RILPL2: variants seen among roughly 807,000 people sequenced by gnomAD.
RILPL2 encodes the protein Rab interacting lysosomal protein like 2.
Under a neutral mutation model 22.2 loss-of-function variants are expected in RILPL2, and 19 were observed. The ratio of observed to expected loss-of-function variants is 0.86; its 90% CI spans 0.60 to 1.25. The LOEUF (loss-of-function observed/expected upper bound fraction) is 1.25, where lower values mean the gene tolerates loss of function less well. Ranked by LOEUF, RILPL2 falls within the 50% of genes most tolerant of loss-of-function variation. The pLI, the probability that RILPL2 is intolerant of heterozygous loss-of-function variation, is 0.00. For synonymous variants in RILPL2, 123 were observed against 111.6 expected (o/e 1.10, Z -0.64); for missense variants, 243 against 263.6 (o/e 0.92, Z 0.54).
intron 1 of RILPL2, among the ~76,000 whole-genome samples, chr12:123,432,241 C>T (rs1879673488): frequency 6.6e-6 from 1 of 152,182 alleles, no homozygotes; most frequent in Admixed American, 6.6e-5. Context: ...AATAGTGGCT[C>T]ACGCCTGTAA....
chr12:123,423,782 T>C (rs367790254), intron 2 of RILPL2, among the ~76,000 whole-genome samples: 2 of 151,664 alleles, frequency 1.3e-5, no homozygotes, highest in Non-Finnish European at 2.9e-5. Context: ...GCCCCCCGAG[T>C]AGCTGGGACT....
chr12:123,436,369 C>G lies in RILPL2; in HGVS notation c.52G>C (p.Glu18Gln). ...TCGGGCCCAACCTCGTCCCTCTCCT[C>G]GTCCTCCTCTCCCTCCTCCTCTTCC... ...EEEEEEGEED[E>Q]ERDEVGPEGA... Residue 18 changes from glutamate to glutamine, a missense_variant, in exon 1 of 4, where the codon GAG becomes CAG. Glu to Gln is a conservative substitution (Grantham distance 29). Coordinates refer to ENST00000280571, the MANE Select transcript of RILPL2 (RefSeq NM_145058.3). This position sits in a 1 kb window ranked among gnomAD's most constrained non-coding sequence, Gnocchi z 6.7. 1 of 1,554,120 alleles carries G rather than the reference C, an allele frequency of 6.4e-7. No homozygotes were observed. Among genetic ancestry groups the G allele is most frequent in the East Asian group, 2.4e-5 (1 of 41,112 alleles).
chr12:123,415,799 G>A lies in RILPL2; in HGVS notation c.*92C>T. 1 of 1,188,818 alleles carries A rather than the reference G, an allele frequency of 8.4e-7. No individual in the cohort carries two copies. Among genetic ancestry groups the A allele is most frequent in the Non-Finnish European group, 1.3e-6 (1 of 791,638 alleles). The allele number at this position is 1,188,818 out of a possible 1,614,324, so 73.6% of individuals were successfully genotyped here. On this transcript the variant is annotated 3_prime_UTR_variant, in exon 4 of 4. Transcript: ENST00000280571. ...GGGGAAATAAATACACAGGCCTAGT[G>A]TGTCTGTGTGGCACAGGGAGGTGGT...
intron 2 of RILPL2, among the ~76,000 whole-genome samples, chr12:123,426,401 C>T (rs773457499): frequency 6.6e-6 from 1 of 151,892 alleles, no homozygotes; most frequent in Non-Finnish European, 1.5e-5. Context: ...GATCCACCCA[C>T]GTTGTCCTCC....
chr12:123,430,724 TA>T, intron 1 of RILPL2, 65 bp from the exon 2 acceptor site: 1 of 1,128,286 alleles, frequency 8.9e-7, no homozygotes, highest in Non-Finnish European at 1.1e-6. Context: ...ATTATTATTA[TA>T]TTTTTAGAAG....
intron 3 of RILPL2, 115 bp from the exon 4 acceptor site, chr12:123,416,036 A>G: frequency 9.6e-7 from 1 of 1,040,354 alleles, no homozygotes; most frequent in Non-Finnish European, 1.5e-6. Context: ...AAATATGTCC[A>G]GGCCAGGCAT....
chr12:123,418,958 C>A lies in RILPL2; in HGVS notation c.606-3037G>T, dbSNP rs561342331. 9.9e-5 allele frequency among the ~76,000 whole-genome samples: 15 copies of A among 150,886 alleles called. No individual in the cohort carries two copies. In the South Asian group the frequency reaches 2.9e-3, roughly 29 times the overall value. ...GGTCTCAATCTTCTGACCTTGTGAT[C>A]TGCCCGCCTCAGCCTCCAAAAGTGC... On this transcript the variant is annotated intron_variant, in intron 3 of 3. Transcript: ENST00000280571.
At chr12:123,424,523 G>T (rs1010467250) in intron 2 of RILPL2, among the ~76,000 whole-genome samples, 1 of 151,990 alleles carries the variant, frequency 6.6e-6, no homozygotes, top group East Asian at 1.9e-4. Flanking sequence ...CAGAGACAGG[G>T]TTTCTCCATG....
chr12:123,415,030 C>A (rs925457511), downstream of RILPL2: 2 of 151,864 alleles, frequency 1.3e-5, no homozygotes, highest in African/African-American at 2.4e-5. Context: ...ACAGAGCAGG[C>A]GAAACACATT....
intron 2 of RILPL2, among the ~76,000 whole-genome samples, chr12:123,427,361 C>T (rs1486205715): frequency 1.3e-5 from 2 of 152,088 alleles, no homozygotes; most frequent in African/African-American, 2.4e-5. Context: ...GGCCTAACAG[C>T]GTCACTTCCA....
intron 1 of RILPL2, among the ~76,000 whole-genome samples, chr12:123,435,406 T>A (rs1879767115): frequency 6.6e-6 from 1 of 152,154 alleles, no homozygotes; most frequent in African/African-American, 2.4e-5. Context: ...CTTGTCTATG[T>A]CTTTTTGTGG....
chr12:123,420,022 CTTTTTTT>C (rs35616705), intron 3 of RILPL2, among the ~76,000 whole-genome samples: 1 of 57,494 alleles, frequency 1.7e-5, no homozygotes, highest in East Asian at 5.4e-4. Context: ...GACGGGGTTT[CTTTTTTT>C]TTTTTTTTTT....
At chr12:123,428,642 G>C (rs905371206) in intron 2 of RILPL2, among the ~76,000 whole-genome samples, 1 of 152,104 alleles carries the variant, frequency 6.6e-6, no homozygotes, top group Admixed American at 6.6e-5. Flanking sequence ...CCAAGCTTTC[G>C]TGATCTAAAT....
chr12:123,425,547 G>A (rs948832427), intron 2 of RILPL2, among the ~76,000 whole-genome samples: 11 of 151,978 alleles, frequency 7.2e-5, no homozygotes, highest in Admixed American at 6.6e-4. Context: ...ACAGCACCTT[G>A]AGCTGACAAA....
In RILPL2 at chr12:123,423,039, C is replaced by CT. The variant is rs1341015921; in HGVS notation, c.605+4dup. On this transcript the variant is annotated splice_donor_region_variant and intron_variant, in intron 3 of 3. Coordinates refer to ENST00000280571, the MANE Select transcript of RILPL2 (RefSeq NM_145058.3). ...GGGACCGGGGGGCAGCAAGGTGACACTTACAGCTTTTTTATGATTGTCTTC... is the reference window on the plus strand; with the variant it reads ...GGGACCGGGGGGCAGCAAGGTGACACTTTACAGCTTTTTTATGATTGTCTTC... 6.2e-7 allele frequency: 1 copy of CT among 1,604,012 alleles called. No homozygotes were observed. Among genetic ancestry groups the CT allele is most frequent in the Non-Finnish European group, 8.5e-7 (1 of 1,171,292 alleles).
At chr12:123,430,236 C>T (rs1002865937) in intron 2 of RILPL2, among the ~76,000 whole-genome samples, 3 of 151,172 alleles carry the variant, frequency 2.0e-5, no homozygotes, top group Non-Finnish European at 2.9e-5. Flanking sequence ...GGTGAAACTC[C>T]GTTTCTACTA....
intron 2 of RILPL2, among the ~76,000 whole-genome samples, chr12:123,427,724 T>C (rs1879481380): frequency 6.6e-6 from 1 of 152,062 alleles, no homozygotes; most frequent in African/African-American, 2.4e-5. Context: ...TTTATATTTT[T>C]AATAGAGACG....
At chr12:123,423,709 A>C (rs1335371022) in intron 2 of RILPL2, among the ~76,000 whole-genome samples, 3 of 150,140 alleles carry the variant, frequency 2.0e-5, no homozygotes, top group Admixed American at 6.7e-5. Context: ...GCTGGAGTGC[A>C]GTGGCGCGAT....
intron 3 of RILPL2, among the ~76,000 whole-genome samples, chr12:123,420,849 C>T (rs1593488783): frequency 6.6e-6 from 1 of 152,092 alleles, no homozygotes; most frequent in Non-Finnish European, 1.5e-5. Context: ...GGGGCGAATG[C>T]ACTTAGGAGG....
Sources: gnomAD v4.1 joint callset for allele counts (sites outside exome capture counted in the v4.1 genomes callset) on GRCh38, gnomAD v4.1.1 for gene constraint, Gnocchi (gnomAD v3.1) non-coding constraint, MANE v1.5 for transcripts, NCBI Gene and HGNC (gene_info 2026-07-23, HGNC 2026-07-21) for gene names.